ARK2N: variants seen among roughly 807,000 people sequenced by gnomAD.
ARK2N encodes the protein arkadia (RNF111) N-terminal like PKA signaling regulator 2N.
At chr18:46,265,967 T>C in the ARK2N span, 1 of 152,406 alleles carries the variant, frequency 6.6e-6, no homozygotes, top group African/African-American at 2.4e-5. Flanking sequence ...AGCAGTGACC[T>C]AGCTGTTGCA....
At chr18:46,195,852 A>T in the ARK2N span, among the ~76,000 whole-genome samples, 1 of 152,144 alleles carries the variant, frequency 6.6e-6, no homozygotes, top group Non-Finnish European at 1.5e-5. Flanking sequence ...CTGGTATTAT[A>T]GGCATGAGCC....
At chr18:46,180,355 T>A in the ARK2N span, among the ~76,000 whole-genome samples, 1 of 152,218 alleles carries the variant, frequency 6.6e-6, no homozygotes, top group Non-Finnish European at 1.5e-5. Context: ...TATACCTGGT[T>A]AAATTAAAAA....
chr18:46,221,126 A>G, the ARK2N span, among the ~76,000 whole-genome samples: 1 of 147,462 alleles, frequency 6.8e-6, no homozygotes, highest in Non-Finnish European at 1.5e-5. Context: ...ACAGAGCGAG[A>G]CTCTGTCTCA....
the ARK2N span, among the ~76,000 whole-genome samples, chr18:46,236,259 T>C: frequency 6.6e-6 from 1 of 152,344 alleles, no homozygotes; most frequent in African/African-American, 2.4e-5. Context: ...GCAGTCCTCC[T>C]GCCTCGTCCT....
the ARK2N span, among the ~76,000 whole-genome samples, chr18:46,209,308 T>A: frequency 1.3e-4 from 20 of 149,226 alleles, no homozygotes; most frequent in South Asian, 3.8e-3. Context: ...TTTTTTTTTT[T>A]ACAAACCCCC....
At chr18:46,236,425 G>A in the ARK2N span, among the ~76,000 whole-genome samples, 1 of 152,268 alleles carries the variant, frequency 6.6e-6, no homozygotes, top group Admixed American at 6.5e-5. Flanking sequence ...CAGATTGAAT[G>A]GTTATTAATT....
chr18:46,176,081 C>T, the ARK2N span, among the ~76,000 whole-genome samples: 4 of 152,130 alleles, frequency 2.6e-5, no homozygotes, highest in South Asian at 2.1e-4. Context: ...AGGGCTAATG[C>T]GTGTCCTTCA....
the ARK2N span, among the ~76,000 whole-genome samples, chr18:46,240,693 C>G: frequency 2.0e-5 from 3 of 152,134 alleles, no homozygotes; most frequent in Non-Finnish European, 2.9e-5. Flanking sequence ...TTTCTAACTC[C>G]TTTCTTTTAG....
the ARK2N span, among the ~76,000 whole-genome samples, chr18:46,234,174 G>A: frequency 2.0e-5 from 3 of 152,046 alleles, no homozygotes; most frequent in African/African-American, 4.8e-5. Context: ...GCCGAGAAGC[G>A]ATGATTGGTA....
chr18:46,210,790 G>A, the ARK2N span, among the ~76,000 whole-genome samples: 301 of 152,070 alleles, frequency 2.0e-3, 1 homozygote, highest in African/African-American at 7.0e-3. Flanking sequence ...TGCACCTGTA[G>A]TCTCAGCTAC....
At chr18:46,180,174 A>G in the ARK2N span, among the ~76,000 whole-genome samples, 2 of 152,194 alleles carry the variant, frequency 1.3e-5, no homozygotes, top group African/African-American at 4.8e-5. Flanking sequence ...AAGGGACCTC[A>G]TTCCTCTTTG....
chr18:46,217,202 AAGT>A, the ARK2N span: 8 of 153,090 alleles, frequency 5.2e-5, no homozygotes, highest in Non-Finnish European at 1.0e-4. Context: ...AGTTTTAAAA[AAGT>A]TTGTTAGAAA....
the ARK2N span, among the ~76,000 whole-genome samples, chr18:46,184,994 C>A: frequency 6.6e-6 from 1 of 152,150 alleles, no homozygotes; most frequent in Non-Finnish European, 1.5e-5. Context: ...GCAGTTGAGT[C>A]AGTTTTTGTC....
the ARK2N span, among the ~76,000 whole-genome samples, chr18:46,195,662 C>T: frequency 8.5e-5 from 12 of 141,998 alleles, no homozygotes; most frequent in South Asian, 2.2e-4. Context: ...CTGCAGCCTC[C>T]GCCTCCTGAG....
At chr18:46,233,737 A>G in the ARK2N span, among the ~76,000 whole-genome samples, 1 of 152,214 alleles carries the variant, frequency 6.6e-6, no homozygotes, top group African/African-American at 2.4e-5. Context: ...TATAAGGACA[A>G]ATGTAATCCT....
the ARK2N span, among the ~76,000 whole-genome samples, chr18:46,258,502 T>C: frequency 6.6e-6 from 1 of 152,220 alleles, no homozygotes; most frequent in Non-Finnish European, 1.5e-5. Flanking sequence ...TTGATATTAG[T>C]GTATGAAGAA....
At chr18:46,198,872 C>T in the ARK2N span, among the ~76,000 whole-genome samples, 3 of 152,280 alleles carry the variant, frequency 2.0e-5, no homozygotes, top group South Asian at 2.1e-4. Context: ...GCTGGGATTA[C>T]GGATGTGAGC....
chr18:46,226,864 A>G, the ARK2N span, among the ~76,000 whole-genome samples: 9 of 150,226 alleles, frequency 6.0e-5, no homozygotes, highest in Non-Finnish European at 1.2e-4. Flanking sequence ...CTGGAGTGCA[A>G]TGGTGGGATC....
the ARK2N span, among the ~76,000 whole-genome samples, chr18:46,200,066 TTGTG>T: frequency 2.5e-4 from 38 of 150,180 alleles, no homozygotes; most frequent in East Asian, 5.5e-3. Flanking sequence ...AAATTCTTTA[TTGTG>T]TGTGTGTGTG....
Sources: allele counts gnomAD v4.1 joint callset (sites outside exome capture counted in the v4.1 genomes callset), GRCh38; gene constraint gnomAD v4.1.1; transcripts MANE v1.5; gene names NCBI Gene and HGNC (gene_info 2026-07-23, HGNC 2026-07-21).